TAFA4: variants seen among roughly 807,000 people sequenced by gnomAD.
TAFA4 encodes TAFA chemokine like family member 4.
Under a neutral mutation model 21.1 loss-of-function variants are expected in TAFA4, and 20 were observed. The ratio of observed to expected loss-of-function variants is 0.95; its 90% confidence interval spans 0.67 to 1.38. The LOEUF (loss-of-function observed/expected upper bound fraction) is 1.38. TAFA4 is among the 40% of genes most tolerant of loss of function. The probability of loss-of-function intolerance (pLI) is 0.00; values close to 1 mark genes in which losing one functional copy is unlikely to be tolerated. For synonymous variants in TAFA4, 71 were observed against 67.4 expected (o/e 1.05, Z -0.26); for missense variants, 211 against 180.9 (o/e 1.17, Z -0.95).
intron 1 of TAFA4, among the ~76,000 whole-genome samples, chr3:68,893,845 A>C (rs2089757557): frequency 6.6e-6 from 1 of 152,234 alleles, no homozygotes; most frequent in African/African-American, 2.4e-5. Context: ...CCTGTGGACA[A>C]AACAAGGAAA....
chr3:68,923,998 T>C (rs2090083605), intron 1 of TAFA4, among the ~76,000 whole-genome samples: 1 of 152,120 alleles, frequency 6.6e-6, no homozygotes, highest in African/African-American at 2.4e-5. Flanking sequence ...TTCAGGAGAA[T>C]TAAATCAGAT....
chr3:68,742,612 G>A (rs1186866145), intron 4 of TAFA4, among the ~76,000 whole-genome samples: 1 of 152,148 alleles, frequency 6.6e-6, no homozygotes, highest in Admixed American at 6.5e-5. Context: ...GACTACACAT[G>A]AGGTACAGTG....
At chr3:68,801,510 C>T (rs1703577421) in intron 3 of TAFA4, among the ~76,000 whole-genome samples, 1 of 152,176 alleles carries the variant, frequency 6.6e-6, no homozygotes, top group Non-Finnish European at 1.5e-5. Flanking sequence ...GCACAAATTG[C>T]AGTGGTGCTT....
intron 3 of TAFA4, among the ~76,000 whole-genome samples, chr3:68,761,324 A>G: frequency 6.6e-6 from 1 of 151,738 alleles, no homozygotes; most frequent in East Asian, 1.9e-4. Context: ...CTAATATAAC[A>G]CTGAAAAAAA....
rs1283187505 is a variant in TAFA4 at position 68,783,742 on chromosome 3, AAAGT to A, written c.131-30728_131-30725del. 3.3e-3 allele frequency among the ~76,000 whole-genome samples: 406 copies of A among 123,194 alleles called. 2 individuals carry two copies. The highest frequency in any genetic ancestry group is 4.6e-3 in the South Asian group (17 of 3,670). 80.8% of individuals were successfully genotyped at this position (123,194 alleles called of 152,430 possible). Reference sequence around the variant, plus strand: ...GAAAGAAAGAAAGAAAGAAAGAAAGAAAGTAAGAAAGAAAGAAACAAAAACAAAG... The same window carrying A: ...GAAAGAAAGAAAGAAAGAAAGAAAGAAAGAAAGAAAGAAACAAAAACAAAG... On this transcript the variant is annotated intron_variant, in intron 3 of 5. Coordinates refer to ENST00000295569, the MANE Select transcript of TAFA4 (RefSeq NM_182522.5).
intron 3 of TAFA4, among the ~76,000 whole-genome samples, chr3:68,798,455 G>A (rs533304852): frequency 6.6e-5 from 10 of 152,232 alleles, no homozygotes; most frequent in African/African-American, 2.2e-4. Flanking sequence ...GAAGTAATAA[G>A]TAGAACCCTA....
intron 3 of TAFA4, among the ~76,000 whole-genome samples, chr3:68,794,275 A>C (rs533880646): frequency 3.9e-5 from 6 of 152,152 alleles, no homozygotes; most frequent in Non-Finnish European, 8.8e-5. Context: ...TTCCTGAAGA[A>C]CTAATCATTA....
At chr3:68,773,254 C>T (rs181765520) in intron 3 of TAFA4, among the ~76,000 whole-genome samples, 29 of 152,218 alleles carry the variant, frequency 1.9e-4, no homozygotes, top group African/African-American at 5.5e-4. Flanking sequence ...AATGACTCAT[C>T]GAACTCAGCA....
intron 3 of TAFA4, among the ~76,000 whole-genome samples, chr3:68,876,838 T>C (rs1212108562): frequency 6.6e-6 from 1 of 152,154 alleles, no homozygotes; most frequent in Non-Finnish European, 1.5e-5. Context: ...TAAATAAGGA[T>C]AACTAGCATT....
At chr3:68,768,874 G>C (rs1559514901) in intron 3 of TAFA4, among the ~76,000 whole-genome samples, 1 of 152,180 alleles carries the variant, frequency 6.6e-6, no homozygotes, top group Non-Finnish European at 1.5e-5. Context: ...TGACTCATAT[G>C]TGCAATCTAA....
chr3:68,824,595 A>T (rs946373551), intron 3 of TAFA4, among the ~76,000 whole-genome samples: 3 of 152,204 alleles, frequency 2.0e-5, no homozygotes, highest in African/African-American at 7.2e-5. Context: ...TCACCATGTA[A>T]GGTAAACATG....
At chr3:68,853,509 GGAA>G (rs1029508990) in intron 3 of TAFA4, among the ~76,000 whole-genome samples, 10 of 152,064 alleles carry the variant, frequency 6.6e-5, no homozygotes, top group African/African-American at 2.4e-4. Flanking sequence ...AGAAGGTCTG[GGAA>G]GAAGGAGAGG....
intron 3 of TAFA4, among the ~76,000 whole-genome samples, chr3:68,818,446 C>A (rs1024741251): frequency 3.3e-5 from 5 of 152,210 alleles, no homozygotes; most frequent in African/African-American, 1.2e-4. Flanking sequence ...GAATTTTTCC[C>A]TTGCATCCAC....
At chr3:68,810,144 A>G (rs1353872541) in intron 3 of TAFA4, among the ~76,000 whole-genome samples, 1 of 152,218 alleles carries the variant, frequency 6.6e-6, no homozygotes, top group Non-Finnish European at 1.5e-5. Context: ...AATGCATGGA[A>G]TCTGTACATT....
chr3:68,822,475 TTCTC>T (rs374346953), intron 3 of TAFA4, among the ~76,000 whole-genome samples: 1 of 151,946 alleles, frequency 6.6e-6, no homozygotes, highest in Non-Finnish European at 1.5e-5. Flanking sequence ...AATTCTTTTT[TTCTC>T]TCTCTCTCTG....
At chr3:68,883,115 GGTC>G (rs2089635597) in intron 2 of TAFA4, 2 of 152,414 alleles carry the variant, frequency 1.3e-5, no homozygotes, top group African/African-American at 4.8e-5. Context: ...GTTCTGGCTG[GGTC>G]TTCTGCTCAG....
At chr3:68,772,766 T>A (rs144637573) in intron 3 of TAFA4, among the ~76,000 whole-genome samples, 1 of 152,298 alleles carries the variant, frequency 6.6e-6, no homozygotes, top group East Asian at 1.9e-4. Flanking sequence ...GGTTTCCAGC[T>A]TGCAGACTGC....
At chr3:68,809,150 T>C (rs4855517) in intron 3 of TAFA4, among the ~76,000 whole-genome samples, 1 of 152,006 alleles carries the variant, frequency 6.6e-6, no homozygotes, top group Non-Finnish European at 1.5e-5. Context: ...GAATGCCCTT[T>C]TACCCTAGAA....
intron 3 of TAFA4, among the ~76,000 whole-genome samples, chr3:68,795,094 A>G (rs1267281500): frequency 6.6e-6 from 1 of 151,754 alleles, no homozygotes; most frequent in Non-Finnish European, 1.5e-5. Flanking sequence ...AATACTTTAT[A>G]TGCTTGTAAA....
Sources: allele counts gnomAD v4.1 joint callset (sites outside exome capture counted in the v4.1 genomes callset), GRCh38; gene constraint gnomAD v4.1.1; transcripts MANE v1.5; gene names NCBI Gene and HGNC (gene_info 2026-07-23, HGNC 2026-07-21).